THRB: variants seen among roughly 807,000 people sequenced by gnomAD.
THRB encodes the protein nuclear receptor subfamily 1 group A member 2.
In THRB, 12 loss-of-function variants were observed where a neutral mutation model predicts 47.8. That is an observed-to-expected ratio of 0.25 (90% CI 0.16 to 0.41). The LOEUF is 0.41. Ranked by LOEUF, THRB falls within the 10% of genes least tolerant of loss-of-function variation. The probability of loss-of-function intolerance (pLI) is 1.00; values close to 1 mark genes in which losing one functional copy is unlikely to be tolerated. For synonymous variants in THRB, 218 were observed against 212.2 expected, an observed-to-expected ratio of 1.03 and a Z score of -0.24; for missense variants, 348 against 589.2, an observed-to-expected ratio of 0.59 and a Z score of 4.24.
chr3:24,211,404 C>G (rs1015191439), intron 4 of THRB, among the ~76,000 whole-genome samples: 21 of 152,188 alleles, frequency 1.4e-4, no homozygotes, highest in African/African-American at 4.6e-4. Flanking sequence ...GTTCCCTCAA[C>G]AAACCTTACT....
intron 3 of THRB, among the ~76,000 whole-genome samples, chr3:24,268,348 T>C (rs562577552): frequency 6.6e-6 from 1 of 152,242 alleles, no homozygotes; most frequent in African/African-American, 2.4e-5. Flanking sequence ...TAATGCAATA[T>C]AACAAAAGCT....
At chr3:24,397,006 T>A (rs1019100655) in intron 1 of THRB, among the ~76,000 whole-genome samples, 4 of 152,146 alleles carry the variant, frequency 2.6e-5, no homozygotes, top group Non-Finnish European at 5.9e-5. Context: ...AATACCAGTT[T>A]ATGTGACTTA....
rs1559683559 is a variant in THRB, at chr3:24,233,567, GAAAGA to G, written c.-42-4571_-42-4567del. On this transcript the variant is annotated intron_variant, in intron 3 of 10. Coordinates refer to ENST00000646209, the MANE Select transcript of THRB (RefSeq NM_001354712.2). ...AGAGAAAGAAAGAAAAAGGAAGAAA[GAAAGA>G]AAGAAAGAAAGAAAGAAAGAAAGAA... is the stretch of plus-strand genomic sequence containing the variant. Among the ~76,000 whole-genome samples, 961 of 135,712 alleles carry G rather than the reference GAAAGA, an allele frequency of 7.1e-3. 16 individuals are homozygous for G. The highest frequency in any genetic ancestry group is 0.026 in the African/African-American group (928 of 35,636). 89.0% of individuals were successfully genotyped at this position (135,712 alleles called of 152,430 possible).
At chr3:24,278,172 G>A (rs1017189411) in intron 3 of THRB, among the ~76,000 whole-genome samples, 1 of 152,236 alleles carries the variant, frequency 6.6e-6, no homozygotes, top group East Asian at 1.9e-4. Flanking sequence ...TGCCTTGCAA[G>A]TACATTTGTT....
intron 1 of THRB, among the ~76,000 whole-genome samples, chr3:24,438,099 T>C (rs1267515114): frequency 6.6e-6 from 1 of 150,724 alleles, no homozygotes; most frequent in Non-Finnish European, 1.5e-5. Flanking sequence ...TTTTTTTTTA[T>C]TTTATTATTA....
intron 2 of THRB, among the ~76,000 whole-genome samples, chr3:24,307,129 A>C (rs959306288): frequency 6.6e-6 from 1 of 152,000 alleles, no homozygotes; most frequent in Non-Finnish European, 1.5e-5. Flanking sequence ...GTATATACTC[A>C]CTGATGTTGG....
intron 3 of THRB, among the ~76,000 whole-genome samples, chr3:24,270,495 A>G (rs1312019461): frequency 1.3e-5 from 2 of 152,238 alleles, no homozygotes; most frequent in African/African-American, 4.8e-5. Flanking sequence ...AGGTGCTAAC[A>G]TTATGAGCAC....
At chr3:24,274,910 T>G (rs2053747545) in intron 3 of THRB, among the ~76,000 whole-genome samples, 1 of 152,228 alleles carries the variant, frequency 6.6e-6, no homozygotes. Flanking sequence ...TTTTATGAGC[T>G]TTGTGTACTT....
At chr3:24,284,454 G>A (rs930419439) in intron 3 of THRB, among the ~76,000 whole-genome samples, 18 of 151,642 alleles carry the variant, frequency 1.2e-4, no homozygotes, top group South Asian at 2.1e-4. Flanking sequence ...AGATTTAAAC[G>A]TTAGACCTAA....
chr3:24,489,060 C>A (rs9864806), intron 1 of THRB, among the ~76,000 whole-genome samples: 11 of 151,992 alleles, frequency 7.2e-5, no homozygotes, highest in African/African-American at 2.7e-4. Context: ...TCGAGACCAT[C>A]CTGGCCAACA....
At chr3:24,453,750 C>T (rs1327457001) in intron 1 of THRB, among the ~76,000 whole-genome samples, 2 of 152,156 alleles carry the variant, frequency 1.3e-5, no homozygotes, top group Non-Finnish European at 2.9e-5. Flanking sequence ...CTTCCCTCTT[C>T]CCAGACTTTG....
chr3:24,145,815 A>AT (rs1408715402), intron 7 of THRB, among the ~76,000 whole-genome samples: 1 of 151,568 alleles, frequency 6.6e-6, no homozygotes, highest in Non-Finnish European at 1.5e-5. Context: ...TTCTTTCTTC[A>AT]TTTTTTATCT....
chr3:24,347,980 C>T (rs1367896145), intron 1 of THRB, among the ~76,000 whole-genome samples: 1 of 152,042 alleles, frequency 6.6e-6, no homozygotes, highest in Non-Finnish European at 1.5e-5. Context: ...TGATGAAACT[C>T]ATTTTATGAG....
chr3:24,260,812 T>G (rs2051882283), intron 3 of THRB, among the ~76,000 whole-genome samples: 1 of 152,224 alleles, frequency 6.6e-6, no homozygotes, highest in South Asian at 2.1e-4. Context: ...AACTGGAAGA[T>G]AATTCCCTAC....
chr3:24,355,752 A>G (rs1577064550), intron 1 of THRB, among the ~76,000 whole-genome samples: 1 of 152,138 alleles, frequency 6.6e-6, no homozygotes, highest in Non-Finnish European at 1.5e-5. Flanking sequence ...AAGGGTGTAC[A>G]CAAGGTATAC....
At chr3:24,288,075 G>C (rs2055515849) in intron 3 of THRB, among the ~76,000 whole-genome samples, 1 of 152,202 alleles carries the variant, frequency 6.6e-6, no homozygotes, top group Non-Finnish European at 1.5e-5. Context: ...CCTGATACGT[G>C]ACTTCCTCTA....
intron 1 of THRB, among the ~76,000 whole-genome samples, chr3:24,377,014 T>G (rs1210881142): frequency 6.6e-6 from 1 of 152,128 alleles, no homozygotes. Flanking sequence ...GGCGGCTCAC[T>G]GTAGCTTTGG....
chr3:24,244,929 G>A (rs758848858), intron 3 of THRB, among the ~76,000 whole-genome samples: 2 of 152,198 alleles, frequency 1.3e-5, no homozygotes, highest in African/African-American at 2.4e-5. Flanking sequence ...TGTGAAGGGG[G>A]AAACTTTCTT....
intron 1 of THRB, among the ~76,000 whole-genome samples, chr3:24,390,707 C>T (rs1437337810): frequency 6.6e-6 from 1 of 151,008 alleles, no homozygotes; most frequent in Non-Finnish European, 1.5e-5. Context: ...TCAGCTCAGA[C>T]TTAAGACCAA....
Sources: allele counts gnomAD v4.1 joint callset (sites outside exome capture counted in the v4.1 genomes callset), GRCh38; gene constraint gnomAD v4.1.1; transcripts MANE v1.5; gene names NCBI Gene and HGNC (gene_info 2026-07-23, HGNC 2026-07-21).